The following IKZF3 variants were observed in gnomAD, a reference collection of about 807,000 sequenced individuals.
IKZF3 encodes the protein zinc finger protein Aiolos.
In IKZF3, 10 loss-of-function variants were observed where a neutral mutation model predicts 49.0. That is an observed-to-expected ratio of 0.20 (90% confidence interval 0.13 to 0.35). The LOEUF is 0.35. Among genes scored for constraint, IKZF3 ranks in the 10% least tolerant of loss-of-function variants. The pLI is 1.00. For missense variants in IKZF3, 498 were observed against 664.8 expected (o/e 0.75, Z 2.76); for synonymous variants, 209 against 228.2 (o/e 0.92, Z 0.76).
chr17:39,760,570 C>T lies in IKZF3; in HGVS notation c.*5220G>A, dbSNP rs3764354. 0.1 allele frequency: 15,960 copies of T among 152,334 alleles called. 1,076 individuals carry two copies. The highest frequency in any genetic ancestry group is 0.13 in the Non-Finnish European group (9,133 of 68,116). The allele number at this position is 152,334 out of a possible 1,614,324, so 9.4% of individuals were successfully genotyped here. A position where few individuals can be genotyped will look rare whatever the true frequency, so the allele number is the denominator to read the frequency against. On this transcript the variant is annotated 3_prime_UTR_variant, in exon 8 of 8. Transcript: ENST00000346872. ...AACTCCCAAACTCAGGTGATCCGCC[C>T]GCCTTGGCCTCCCAAAGTGCTGGGA...
At chr17:39,791,350 T>C in intron 5 of IKZF3, 66 bp downstream of exon 5, 1 of 1,537,366 alleles carries the variant, frequency 6.5e-7, no homozygotes, top group South Asian at 1.1e-5. Flanking sequence ...TAACTCTTTC[T>C]AGTTTCCACA....
At chr17:39,824,706 T>G (rs1449241738) in intron 3 of IKZF3, among the ~76,000 whole-genome samples, 1 of 151,842 alleles carries the variant, frequency 6.6e-6, no homozygotes, top group Non-Finnish European at 1.5e-5. Context: ...TTTTTTTTTT[T>G]TCCTTTTGAG....
At chr17:39,828,562 G>A (rs2062019193) in intron 3 of IKZF3, among the ~76,000 whole-genome samples, 1 of 152,228 alleles carries the variant, frequency 6.6e-6, no homozygotes, top group Non-Finnish European at 1.5e-5. Context: ...CGATTTTGTA[G>A]CTAAGTCAGA....
At chr17:39,854,000 C>T (rs2062963396) in intron 1 of IKZF3, among the ~76,000 whole-genome samples, 1 of 152,060 alleles carries the variant, frequency 6.6e-6, no homozygotes, top group Non-Finnish European at 1.5e-5. Context: ...GTGGCACATG[C>T]CTGTAATCCC....
chr17:39,843,481 A>G (rs2062539935), intron 1 of IKZF3, among the ~76,000 whole-genome samples: 2 of 152,064 alleles, frequency 1.3e-5, no homozygotes, highest in Non-Finnish European at 2.9e-5. Flanking sequence ...AAGCTTTCAC[A>G]TGAGCAACCT....
Position 39,818,766 on chromosome 17 carries a change from G to A in IKZF3, c.163+10621C>T, listed in dbSNP as rs1297354809. Among the ~76,000 whole-genome samples the A allele has an allele frequency of 2.0e-5, 3 of 152,162 alleles. No individual in the cohort carries two copies. The South Asian group carries it at 6.2e-4, about 32-fold the overall frequency. On this transcript the variant is annotated intron_variant, in intron 3 of 7. Coordinates refer to ENST00000346872, the MANE Select transcript of IKZF3 (RefSeq NM_012481.5). The stretch of plus-strand genomic sequence containing the variant: ...CCAGCTACTCAGGAGGCTGAGGCAC[G>A]AGAATCACTTGAAATTAGGAGGCGG...
intron 1 of IKZF3, among the ~76,000 whole-genome samples, chr17:39,833,165 T>C (rs2062163978): frequency 6.6e-6 from 1 of 152,208 alleles, no homozygotes; most frequent in Non-Finnish European, 1.5e-5. Context: ...TTCAACGCAT[T>C]GCAAAATAAG....
chr17:39,841,152 G>A (rs190042356), intron 1 of IKZF3, among the ~76,000 whole-genome samples: 31 of 151,882 alleles, frequency 2.0e-4, no homozygotes, highest in African/African-American at 7.2e-4. Flanking sequence ...AGTCCAGCCT[G>A]GGCAACAGAG....
intron 3 of IKZF3, among the ~76,000 whole-genome samples, chr17:39,823,748 T>C (rs2061876235): frequency 6.6e-6 from 1 of 152,132 alleles, no homozygotes; most frequent in Non-Finnish European, 1.5e-5. Flanking sequence ...GCAGCTTCCA[T>C]GTGATGTTGA....
intron 3 of IKZF3, among the ~76,000 whole-genome samples, chr17:39,818,716 G>A (rs2061733971): frequency 6.6e-6 from 1 of 152,040 alleles, no homozygotes; most frequent in Admixed American, 6.6e-5. Flanking sequence ...AAATTAGCCA[G>A]GCATGATGGC....
In IKZF3 at chr17:39,819,096, G is replaced by A. The variant is rs138034506; in HGVS notation, c.163+10291C>T. On this transcript the variant is annotated intron_variant, in intron 3 of 7. Transcript: ENST00000346872. Reference sequence around the variant, plus strand: ...ATACTATTGTATGGGTTCCTAACAAGGTGCTTCACCACTTGGGTTTTTACA... The same window carrying A: ...ATACTATTGTATGGGTTCCTAACAAAGTGCTTCACCACTTGGGTTTTTACA... Among the ~76,000 whole-genome samples, 267 of 152,142 alleles carry A rather than the reference G, an allele frequency of 1.8e-3. 1 individual carries two copies. The highest frequency in any genetic ancestry group is 6.2e-3 in the African/African-American group (259 of 41,480).
chr17:39,838,079 C>A (rs2062354679), intron 1 of IKZF3, among the ~76,000 whole-genome samples: 1 of 152,134 alleles, frequency 6.6e-6, no homozygotes, highest in Admixed American at 6.6e-5. Flanking sequence ...CCATAATATT[C>A]CTAGCTGTAA....
At chr17:39,840,955 T>A (rs751870501) in intron 1 of IKZF3, among the ~76,000 whole-genome samples, 1 of 152,114 alleles carries the variant, frequency 6.6e-6, no homozygotes, top group South Asian at 2.1e-4. Context: ...GGTGGGCAGG[T>A]TGCTTGAGCC....
At chr17:39,862,952 T>A (rs1056806493) in intron 1 of IKZF3, among the ~76,000 whole-genome samples, 1 of 152,198 alleles carries the variant, frequency 6.6e-6, no homozygotes. Flanking sequence ...TTATCCTTGA[T>A]ACGTGGTATG....
intron 1 of IKZF3, among the ~76,000 whole-genome samples, chr17:39,844,996 T>C (rs890100386): frequency 6.6e-6 from 1 of 152,166 alleles, no homozygotes; most frequent in Middle Eastern, 3.2e-3. Context: ...TACACTAGTG[T>C]CTGCTCATGA....
intron 1 of IKZF3, among the ~76,000 whole-genome samples, chr17:39,861,797 ATAT>A (rs2063220912): frequency 6.6e-6 from 1 of 152,196 alleles, no homozygotes; most frequent in Non-Finnish European, 1.5e-5. Flanking sequence ...CTGTGAGAAT[ATAT>A]TATGGAATAA....
At chr17:39,820,912 G>A (rs2061794976) in intron 3 of IKZF3, among the ~76,000 whole-genome samples, 1 of 152,194 alleles carries the variant, frequency 6.6e-6, no homozygotes, top group Admixed American at 6.5e-5. Flanking sequence ...GATTCAGAGA[G>A]CTTCAGGAGC....
chr17:39,839,415 T>C, intron 1 of IKZF3: 2 of 598,984 alleles, frequency 3.3e-6, no homozygotes, highest in Non-Finnish European at 6.4e-6. Flanking sequence ...TTTGGAGTTG[T>C]ACCTGATTTT....
At chr17:39,852,624 G>C (rs912146775) in intron 1 of IKZF3, among the ~76,000 whole-genome samples, 1 of 152,126 alleles carries the variant, frequency 6.6e-6, no homozygotes, top group Admixed American at 6.5e-5. Context: ...TATCCTGAGA[G>C]CCCTTCTCTC....
Sources: allele counts gnomAD v4.1 joint callset (sites outside exome capture counted in the v4.1 genomes callset), GRCh38; gene constraint gnomAD v4.1.1; transcripts MANE v1.5; gene names NCBI Gene and HGNC (gene_info 2026-07-23, HGNC 2026-07-21).